The following KCNQ1 variants were observed in gnomAD, a reference collection of about 807,000 sequenced individuals.
KCNQ1 encodes the protein potassium voltage-gated channel subfamily Q member 1.
A neutral mutation model predicts 72.4 loss-of-function variants in KCNQ1; 49 were observed. That is an observed-to-expected ratio of 0.68 (90% CI 0.54 to 0.86). KCNQ1 has a LOEUF of 0.86. Among genes scored for constraint, KCNQ1 ranks in the 40% least tolerant of loss-of-function variants. KCNQ1 has a pLI of 0.00. For synonymous variants in KCNQ1, 450 were observed against 412.6 expected, an observed-to-expected ratio of 1.09 and a Z score of -1.10; for missense variants, 790 against 945.1, an observed-to-expected ratio of 0.84 and a Z score of 2.15.
At chr11:2,583,324 GGGTCTCTT>G in intron 6 of KCNQ1, 103 bp from the exon 7 acceptor site, 1 of 794,696 alleles carries the variant, frequency 1.3e-6, no homozygotes, top group African/African-American at 1.7e-5. Flanking sequence ...CTGGTGGTCA[GGGTCTCTT>G]GCCGGCCTCT....
chr11:2,576,072 C>CAGG (rs1195554872), intron 6 of KCNQ1, among the ~76,000 whole-genome samples: 1 of 152,242 alleles, frequency 6.6e-6, no homozygotes, highest in Admixed American at 6.5e-5. Flanking sequence ...CCAGGTGATC[C>CAGG]AGGAGGAGCT....
chr11:2,665,939 T>C (rs1850059223), intron 11 of KCNQ1: 2 of 398,476 alleles, frequency 5.0e-6, no homozygotes, highest in East Asian at 3.6e-5. Context: ...GAAATCATTT[T>C]TGTGAAATCC....
chr11:2,768,934 G>A lies in KCNQ1; in HGVS notation c.1590+15G>A. ...AGAAATTCCAGGTAAGCCCTGTGCT[G>A]AGCCTTCCTGCCCTCAGCCTGCCCC... On this transcript the variant is annotated intron_variant, in intron 12 of 15. Transcript: ENST00000155840. This position sits in a 1 kb window ranked among gnomAD's most constrained non-coding sequence, Gnocchi z 6.7. 1 of 1,604,398 alleles carries A rather than the reference G, an allele frequency of 6.2e-7. No individual in the cohort carries two copies. Among genetic ancestry groups the A allele is most frequent in the Non-Finnish European group, 8.5e-7 (1 of 1,171,440 alleles).
rs538251687 is a variant in KCNQ1, at chr11:2,533,238, G to T, written c.477+5220G>T. On this transcript the variant is annotated intron_variant, in intron 2 of 15. Coordinates refer to ENST00000155840, the MANE Select transcript of KCNQ1 (RefSeq NM_000218.3). ...TCAGCACTGCTAAGGAAACCCCAGC[G>T]CGGCCTCGGAGGGATTAGGCATTCT... 3.3e-5 allele frequency among the ~76,000 whole-genome samples: 5 copies of T among 152,350 alleles called. No individual in the cohort carries two copies. In the East Asian group the frequency reaches 9.6e-4, roughly 29 times the overall value.
rs960638914 is a variant in KCNQ1 at position 2,734,967 on chromosome 11, C to T, written c.1515-33877C>T. 7.9e-5 allele frequency among the ~76,000 whole-genome samples: 12 copies of T among 152,068 alleles called. No homozygotes were observed. The East Asian group carries it at 1.6e-3, about 20-fold the overall frequency. On this transcript the variant is annotated intron_variant, in intron 11 of 15. Coordinates refer to ENST00000155840, the MANE Select transcript of KCNQ1 (RefSeq NM_000218.3). The surrounding 1 kb of genome is among the most constrained non-coding windows in gnomAD (Gnocchi z 7.0). ...TGCGACACATGTGCCCCGGAGTGGC[C>T]GCGTGCCCAGCCGGCTGTGCACGCT...
In KCNQ1 at chr11:2,661,181, A is replaced by C; in HGVS notation, c.1394-780A>C. Reference sequence around the variant, plus strand: ...CAGTTAACACTGATGACCTTGGGGGAGGAAAGCCATTGTGAATCTTTGAAT... The same window carrying C: ...CAGTTAACACTGATGACCTTGGGGGCGGAAAGCCATTGTGAATCTTTGAAT... On this transcript the variant is annotated intron_variant, in intron 10 of 15. Transcript: ENST00000155840. This position sits in a 1 kb window ranked among gnomAD's most constrained non-coding sequence, Gnocchi z 5.9. The C allele has an allele frequency of 2.5e-6, 1 of 398,594 alleles. No homozygotes were observed. Among genetic ancestry groups the C allele is most frequent in the Non-Finnish European group, 4.4e-6 (1 of 226,102 alleles). 24.7% of individuals were successfully genotyped at this position (398,594 alleles called of 1,614,324 possible). A position where few individuals can be genotyped will look rare whatever the true frequency, so the allele number is the denominator to read the frequency against.
intron 10 of KCNQ1, chr11:2,631,303 T>C (rs929156502): frequency 5.0e-6 from 2 of 398,458 alleles, no homozygotes; most frequent in African/African-American, 4.1e-5. Flanking sequence ...CCTCTACTGG[T>C]TATTTTCAAA....
At position 2,669,306 on chromosome 11, in the gene KCNQ1, G is replaced by A. The variant is rs1850140279; in HGVS notation, c.1514+7225G>A. ...GTTTCTCCTCACCATACATATGCCA[G>A]TTGCCATGGAAAGCCTCCTCTAGGC... is the stretch of plus-strand genomic sequence containing the variant. On this transcript the variant is annotated intron_variant, in intron 11 of 15. Coordinates refer to ENST00000155840, the MANE Select transcript of KCNQ1 (RefSeq NM_000218.3). The surrounding 1 kb of genome is among the most constrained non-coding windows in gnomAD (Gnocchi z 5.6). 5.0e-6 allele frequency: 2 copies of A among 398,654 alleles called. No homozygotes were observed. The highest frequency in any genetic ancestry group is 8.8e-6 in the Non-Finnish European group (2 of 226,076). The allele number at this position is 398,654 out of a possible 1,614,324, so 24.7% of individuals were successfully genotyped here. A position where few individuals can be genotyped will look rare whatever the true frequency, so the allele number is the denominator to read the frequency against.
chr11:2,466,113 G>A (rs1846348032), intron 1 of KCNQ1, among the ~76,000 whole-genome samples: 1 of 152,210 alleles, frequency 6.6e-6, no homozygotes, highest in African/African-American at 2.4e-5. Context: ...GGACGTTTTT[G>A]AGTTTTCCTG....
intron 2 of KCNQ1, among the ~76,000 whole-genome samples, chr11:2,534,104 C>T (rs1434281740): frequency 1.3e-5 from 2 of 152,096 alleles, no homozygotes; most frequent in African/African-American, 4.8e-5. Flanking sequence ...CAGTTTCCCT[C>T]CCAGCTCAGA....
In KCNQ1 at chr11:2,713,788, T is replaced by G. The variant is rs1264308960; in HGVS notation, c.1514+51707T>G. Among the ~76,000 whole-genome samples, 1 of 152,240 alleles carries G rather than the reference T, an allele frequency of 6.6e-6. No homozygotes were observed. Among genetic ancestry groups the G allele is most frequent in the African/African-American group, 2.4e-5 (1 of 41,456 alleles). Reference sequence around the variant, plus strand: ...TATCCATTAAATCCATATTCCTCACTGTAGAGTTCATGGATTCAGAGGATA... The same window carrying G: ...TATCCATTAAATCCATATTCCTCACGGTAGAGTTCATGGATTCAGAGGATA... On this transcript the variant is annotated intron_variant, in intron 11 of 15. Coordinates refer to ENST00000155840, the MANE Select transcript of KCNQ1 (RefSeq NM_000218.3). This position sits in a 1 kb window ranked among gnomAD's most constrained non-coding sequence, Gnocchi z 5.6.
chr11:2,770,458 A>G (rs1039143609), intron 12 of KCNQ1, among the ~76,000 whole-genome samples: 1 of 152,238 alleles, frequency 6.6e-6, no homozygotes, highest in Non-Finnish European at 1.5e-5. Flanking sequence ...GCCCTTGCCA[A>G]GAGCAGTATG....
intron 1 of KCNQ1, among the ~76,000 whole-genome samples, chr11:2,472,132 G>A (rs60009089): frequency 0.1 from 14,862 of 148,398 alleles, 957 homozygotes; most frequent in Admixed American, 0.22. Context: ...GTGCACATGC[G>A]TATAGGTGTG....
At chr11:2,633,229 A>G (rs188670384) in intron 10 of KCNQ1, 56 of 398,510 alleles carry the variant, frequency 1.4e-4, no homozygotes, top group African/African-American at 9.6e-4. Context: ...TCTAAATCAG[A>G]TAATCTGGTG....
chr11:2,829,309 C>T (rs1847897699), intron 15 of KCNQ1, among the ~76,000 whole-genome samples: 1 of 151,000 alleles, frequency 6.6e-6, no homozygotes, highest in South Asian at 2.1e-4. Flanking sequence ...GAAGAAATCC[C>T]AGAAGAAAAA....
rs1848817549 is a variant in KCNQ1, at chr11:2,602,180, A to T, written c.1393+13326A>T. Among the ~76,000 whole-genome samples, 1 of 151,980 alleles carries T rather than the reference A, an allele frequency of 6.6e-6. No homozygotes were observed. The highest frequency in any genetic ancestry group is 1.5e-5 in the Non-Finnish European group (1 of 68,008). On this transcript the variant is annotated intron_variant, in intron 10 of 15. Transcript: ENST00000155840. The surrounding 1 kb of genome is among the most constrained non-coding windows in gnomAD (Gnocchi z 4.8). ...AAGAAAAGGCAAGGAAAGGGAAGGG[A>T]TGCTCCCCTGAAGCCTCCAGAAGGA...
In KCNQ1 at chr11:2,669,777, C is replaced by T; in HGVS notation, c.1514+7696C>T. The T allele has an allele frequency of 2.5e-6, 1 of 398,632 alleles. No individual in the cohort carries two copies. The allele number at this position is 398,632 out of a possible 1,614,324, so 24.7% of individuals were successfully genotyped here. On this transcript the variant is annotated intron_variant, in intron 11 of 15. Coordinates refer to ENST00000155840, the MANE Select transcript of KCNQ1 (RefSeq NM_000218.3). This position sits in a 1 kb window ranked among gnomAD's most constrained non-coding sequence, Gnocchi z 5.6. The stretch of plus-strand genomic sequence containing the variant: ...GAATGTCTCTTTGTGATGGGAGATC[C>T]TGTGGGGACATTCCTTATTTGGCCT...
Position 2,683,365 on chromosome 11 carries a change from T to G in KCNQ1, c.1514+21284T>G. 2.5e-6 allele frequency: 1 copy of G among 398,622 alleles called. No individual in the cohort carries two copies. Among genetic ancestry groups the G allele is most frequent in the Non-Finnish European group, 4.4e-6 (1 of 226,052 alleles). The allele number at this position is 398,622 out of a possible 1,614,324, so 24.7% of individuals were successfully genotyped here. On this transcript the variant is annotated intron_variant, in intron 11 of 15. Transcript: ENST00000155840. The surrounding 1 kb of genome is among the most constrained non-coding windows in gnomAD (Gnocchi z 4.7). ...GGCCACTGTGCCTGCCACTGCTGTCTGCAAATGCAGGTTCCTGGGGCTCTG... is the reference window on the plus strand; with the variant it reads ...GGCCACTGTGCCTGCCACTGCTGTCGGCAAATGCAGGTTCCTGGGGCTCTG...
intron 6 of KCNQ1, 97 bp from the exon 7 acceptor site, chr11:2,583,338 C>T: frequency 1.2e-6 from 1 of 860,364 alleles, no homozygotes; most frequent in Admixed American, 1.7e-5. Context: ...CTCTTGCCGG[C>T]CTCTCCGCTC....
Sources: allele counts gnomAD v4.1 joint callset (sites outside exome capture counted in the v4.1 genomes callset), GRCh38; gene constraint gnomAD v4.1.1; non-coding constraint Gnocchi (gnomAD v3.1); transcripts MANE v1.5; gene names NCBI Gene and HGNC (gene_info 2026-07-23, HGNC 2026-07-21).